PARD3: variants seen among roughly 807,000 people sequenced by gnomAD.
PARD3 encodes par-3 family cell polarity regulator, also known as partitioning defective 3 homolog.
Under a neutral mutation model 155.4 loss-of-function variants are expected in PARD3, and 75 were observed. That is an observed-to-expected ratio of 0.48 (90% CI 0.40 to 0.58). PARD3 has a LOEUF of 0.58. PARD3 is among the 20% of genes least tolerant of loss of function. PARD3 has a pLI of 0.00. For synonymous variants in PARD3, 576 were observed against 610.5 expected (o/e 0.94, Z 0.83); for missense variants, 1,642 against 1,721.7 (o/e 0.95, Z 0.82).
At chr10:34,480,794 C>CTTTTTTTT (rs61461165) in intron 3 of PARD3, among the ~76,000 whole-genome samples, 95 of 125,770 alleles carry the variant, frequency 7.6e-4, no homozygotes, top group Non-Finnish European at 8.8e-4. Context: ...GTTTCTTTTT[C>CTTTTTTTT]TTTTTTTTTT....
At chr10:34,767,239 T>C (rs924278934) in intron 1 of PARD3, among the ~76,000 whole-genome samples, 1 of 152,044 alleles carries the variant, frequency 6.6e-6, no homozygotes, top group Non-Finnish European at 1.5e-5. Context: ...AAGTCAAACA[T>C]GTAAGATAAT....
At chr10:34,672,706 C>T (rs917785277) in intron 2 of PARD3, among the ~76,000 whole-genome samples, 2 of 152,178 alleles carry the variant, frequency 1.3e-5, no homozygotes, top group African/African-American at 2.4e-5. Context: ...CCAGTATGCT[C>T]CTTGTAGAAG....
chr10:34,127,855 CA>C (rs1175706928), intron 23 of PARD3, among the ~76,000 whole-genome samples: 1 of 152,068 alleles, frequency 6.6e-6, no homozygotes, highest in Non-Finnish European at 1.5e-5. Flanking sequence ...TATCACACAT[CA>C]CAAAAGAATC....
chr10:34,378,171 C>A (rs933622352), intron 9 of PARD3, 65 bp from the exon 10 acceptor site: 2 of 1,179,692 alleles, frequency 1.7e-6, no homozygotes, highest in African/African-American at 3.2e-5. Flanking sequence ...AGGTGTATTG[C>A]ACCAGTATAC....
chr10:34,182,742 T>TAA (rs11406207), intron 22 of PARD3, among the ~76,000 whole-genome samples: 14,343 of 133,226 alleles, frequency 0.11, 1,954 homozygotes, highest in African/African-American at 0.33. Context: ...CTACATTTCT[T>TAA]AAAAAAAAAA....
At chr10:34,657,996 A>C (rs1459994682) in intron 2 of PARD3, among the ~76,000 whole-genome samples, 1 of 152,036 alleles carries the variant, frequency 6.6e-6, no homozygotes, top group African/African-American at 2.4e-5. Flanking sequence ...AATACAAAAA[A>C]TTAGCCGGGC....
intron 22 of PARD3, among the ~76,000 whole-genome samples, chr10:34,236,312 TA>T (rs1332307530): frequency 6.6e-6 from 1 of 152,158 alleles, no homozygotes; most frequent in Non-Finnish European, 1.5e-5. Context: ...TATTGAAGCT[TA>T]TTTTTTTATT....
chr10:34,631,682 C>T (rs997536946), intron 2 of PARD3, among the ~76,000 whole-genome samples: 4 of 152,224 alleles, frequency 2.6e-5, no homozygotes, highest in Non-Finnish European at 5.9e-5. Context: ...TGGCTTACTA[C>T]AGCCTCAACC....
At chr10:34,370,809 T>G (rs1426106302) in intron 12 of PARD3, among the ~76,000 whole-genome samples, 12 of 10,866 alleles carry the variant, frequency 1.1e-3, no homozygotes, top group South Asian at 7.6e-3. Flanking sequence ...ACAAATGGGG[T>G]GTGTGTGTGT....
At chr10:34,664,633 G>C (rs1259788505) in intron 2 of PARD3, among the ~76,000 whole-genome samples, 2 of 151,988 alleles carry the variant, frequency 1.3e-5, no homozygotes, top group African/African-American at 4.8e-5. Flanking sequence ...TTACAGGCAT[G>C]TGCCACCACA....
At chr10:34,486,677 T>A (rs556867058) in intron 3 of PARD3, among the ~76,000 whole-genome samples, 1 of 152,304 alleles carries the variant, frequency 6.6e-6, no homozygotes. Context: ...AGAAACCACC[T>A]AGGAATCTTG....
At chr10:34,650,681 A>G (rs1047486559) in intron 2 of PARD3, among the ~76,000 whole-genome samples, 1 of 152,182 alleles carries the variant, frequency 6.6e-6, no homozygotes, top group Non-Finnish European at 1.5e-5. Context: ...AGAAAGCACA[A>G]AAGAACACTA....
intron 22 of PARD3, among the ~76,000 whole-genome samples, chr10:34,162,004 T>C (rs764467802): frequency 7.9e-5 from 12 of 152,210 alleles, no homozygotes; most frequent in Non-Finnish European, 1.3e-4. Flanking sequence ...GAATGAAACA[T>C]AGTCATTGTA....
chr10:34,160,670 C>G (rs1474217552), intron 22 of PARD3, among the ~76,000 whole-genome samples: 6 of 152,040 alleles, frequency 3.9e-5, no homozygotes, highest in Admixed American at 3.9e-4. Flanking sequence ...TGGTGGTGCT[C>G]AAAGCAATTG....
At chr10:34,598,465 T>C (rs1032672319) in intron 2 of PARD3, among the ~76,000 whole-genome samples, 2 of 152,142 alleles carry the variant, frequency 1.3e-5, no homozygotes, top group African/African-American at 2.4e-5. Context: ...CAAAAATAAA[T>C]AGAATATTCA....
rs547416482 is a variant in PARD3, at chr10:34,706,934, C to A, written c.121-10515G>T. 5.9e-5 allele frequency among the ~76,000 whole-genome samples: 9 copies of A among 152,048 alleles called. No homozygotes were observed. In the East Asian group the frequency reaches 1.7e-3, roughly 29 times the overall value. On this transcript the variant is annotated intron_variant, in intron 1 of 24. Transcript: ENST00000374788. ...ACCAGCCTGGACAACACAGTGAGAT[C>A]CTGTCTCCACAAAAAATTTTAAAAA...
intron 1 of PARD3, among the ~76,000 whole-genome samples, chr10:34,751,597 C>T (rs56386890): frequency 0.027 from 4,117 of 152,096 alleles, 84 homozygotes; most frequent in Admixed American, 0.06. Flanking sequence ...TCCTAAGTCC[C>T]AATTAAACCT....
intron 2 of PARD3, among the ~76,000 whole-genome samples, chr10:34,540,255 T>A (rs750625657): frequency 2.0e-5 from 3 of 151,790 alleles, no homozygotes; most frequent in Non-Finnish European, 4.4e-5. Flanking sequence ...TTGCACATAG[T>A]AGGTACAGAG....
At chr10:34,346,326 T>C (rs753303827) in intron 15 of PARD3, 106 of 1,269,106 alleles carry the variant, frequency 8.4e-5, no homozygotes, top group Middle Eastern at 2.2e-4. Context: ...TTAGGGATTT[T>C]TTTGGTTTGA....
Sources: allele counts gnomAD v4.1 joint callset (sites outside exome capture counted in the v4.1 genomes callset), GRCh38; gene constraint gnomAD v4.1.1; transcripts MANE v1.5; gene names NCBI Gene and HGNC (gene_info 2026-07-23, HGNC 2026-07-21).